CLASP1: variants seen among roughly 807,000 people sequenced by gnomAD.
The protein encoded by CLASP1 is CLIP-associating protein 1.
A neutral mutation model predicts 192.3 loss-of-function variants in CLASP1; 38 were observed. That is an observed-to-expected ratio of 0.20 (90% CI 0.15 to 0.26). CLASP1 has a LOEUF of 0.26. CLASP1 is among the 10% of genes least tolerant of loss of function. CLASP1 has a pLI of 1.00. For synonymous variants in CLASP1, 691 were observed against 712.8 expected (o/e 0.97, Z 0.49); for missense variants, 1,433 against 1,932.5 (o/e 0.74, Z 4.85).
At chr2:121,387,991 T>C (rs2073626432) in intron 30 of CLASP1, 85 bp from the exon 32 acceptor site, 1 of 1,091,528 alleles carries the variant, frequency 9.2e-7, no homozygotes, top group African/African-American at 1.6e-5. Context: ...AAATATTTTA[T>C]AAGTAAAATC....
chr2:121,367,227 C>T (rs570482236), intron 35 of CLASP1, among the ~76,000 whole-genome samples: 110 of 152,312 alleles, frequency 7.2e-4, no homozygotes, highest in African/African-American at 2.5e-3. Context: ...AGCCCGCGCT[C>T]GCCATCCTGT....
chr2:121,640,436 G>T lies in CLASP1; in HGVS notation c.-286+8936C>A, dbSNP rs145432892. Among the ~76,000 whole-genome samples the T allele has an allele frequency of 4.6e-5, 7 of 151,232 alleles. No individual in the cohort carries two copies. The East Asian group carries it at 1.4e-3, about 29-fold the overall frequency. On this transcript the variant is annotated intron_variant, in intron 1 of 39. Coordinates refer to ENST00000263710, the Ensembl canonical transcript of CLASP1. Reference sequence around the variant, plus strand: ...TTTTACTACAATAAAACACTTGAAAGAAAAAAAAACTTTATCAGGTCTTCA... The same window carrying T: ...TTTTACTACAATAAAACACTTGAAATAAAAAAAAACTTTATCAGGTCTTCA...
At chr2:121,421,077 G>A (rs1026757287) in intron 22 of CLASP1, among the ~76,000 whole-genome samples, 1 of 151,986 alleles carries the variant, frequency 6.6e-6, no homozygotes, top group African/African-American at 2.4e-5. Context: ...TGAAAATATG[G>A]CCATAGTTAC....
intron 30 of CLASP1, among the ~76,000 whole-genome samples, chr2:121,392,393 G>A (rs1299018059): frequency 6.6e-6 from 1 of 152,154 alleles, no homozygotes; most frequent in Non-Finnish European, 1.5e-5. Context: ...TAATAGCAGA[G>A]CTGCAACTGC....
rs565743952 is a variant in CLASP1 at position 121,394,797 on chromosome 2, G to A, written c.3123+2343C>T. Among the ~76,000 whole-genome samples, 192 of 152,166 alleles carry A rather than the reference G, an allele frequency of 1.3e-3. 1 individual carries two copies. The highest frequency in any genetic ancestry group is 4.5e-3 in the African/African-American group (185 of 41,520). ...CGGGAGGCTGAGGCAGGAGAATGGCGTGAACCCGGGAGGCGGAGGTTGCAG... is the reference window on the plus strand; with the variant it reads ...CGGGAGGCTGAGGCAGGAGAATGGCATGAACCCGGGAGGCGGAGGTTGCAG... On this transcript the variant is annotated intron_variant, in intron 30 of 39. Coordinates refer to ENST00000263710, the Ensembl canonical transcript of CLASP1.
intron 2 of CLASP1, among the ~76,000 whole-genome samples, chr2:121,559,014 T>C (rs745559748): frequency 6.6e-6 from 1 of 152,160 alleles, no homozygotes; most frequent in Non-Finnish European, 1.5e-5. Flanking sequence ...CTGCACAGAG[T>C]ACCTGAAAGC....
At chr2:121,524,080 G>A (rs1436368172) in intron 6 of CLASP1, among the ~76,000 whole-genome samples, 1 of 152,150 alleles carries the variant, frequency 6.6e-6, no homozygotes, top group Non-Finnish European at 1.5e-5. Context: ...TGCATTTAGA[G>A]GTGACAGCCC....
intron 2 of CLASP1, among the ~76,000 whole-genome samples, chr2:121,593,552 G>A (rs2062682670): frequency 6.9e-6 from 1 of 145,316 alleles, no homozygotes; most frequent in African/African-American, 2.6e-5. Context: ...CGGGGAGGCG[G>A]AAGTTGCAGG....
chr2:121,371,741 C>A (rs1327529256), intron 34 of CLASP1, among the ~76,000 whole-genome samples: 1 of 152,190 alleles, frequency 6.6e-6, no homozygotes, highest in African/African-American at 2.4e-5. Context: ...TAAGACCAGT[C>A]ATTCTACCTG....
At chr2:121,570,193 C>T (rs1382119094) in intron 2 of CLASP1, among the ~76,000 whole-genome samples, 1 of 152,218 alleles carries the variant, frequency 6.6e-6, no homozygotes, top group Non-Finnish European at 1.5e-5. Flanking sequence ...TTTCCCTCCC[C>T]ACCCAACTCC....
chr2:121,429,452 T>G (rs2081006971), intron 20 of CLASP1, among the ~76,000 whole-genome samples: 1 of 152,214 alleles, frequency 6.6e-6, no homozygotes, highest in Admixed American at 6.5e-5. Context: ...TATGTGTGGC[T>G]GGAAAGTGAG....
At position 121,500,387 on chromosome 2, in the gene CLASP1, A is replaced by G. The variant is rs2093706148; in HGVS notation, c.712+2780T>C. Among the ~76,000 whole-genome samples the G allele has an allele frequency of 1.3e-5, 2 of 149,920 alleles. 1 individual carries two copies. Among genetic ancestry groups the G allele is most frequent in the African/African-American group, 5.0e-5 (2 of 40,166 alleles). ...AAGAAAGAAAGAAAGAAAGAAAGAA[A>G]GAAAGAAAGAAAAGAAAGAAAGAAA... On this transcript the variant is annotated intron_variant, in intron 8 of 39. Coordinates refer to ENST00000263710, the Ensembl canonical transcript of CLASP1.
intron 8 of CLASP1, among the ~76,000 whole-genome samples, chr2:121,484,045 G>A (rs894021553): frequency 6.6e-6 from 1 of 152,190 alleles, no homozygotes; most frequent in African/African-American, 2.4e-5. Flanking sequence ...AGAAAGCAAA[G>A]CTTAGGAGGA....
chr2:121,400,938 T>C (rs1022530748), intron 28 of CLASP1, among the ~76,000 whole-genome samples: 12 of 152,336 alleles, frequency 7.9e-5, no homozygotes, highest in African/African-American at 4.8e-5. Context: ...CACAACTGCA[T>C]AGACAATAGA....
intron 39 of CLASP1, among the ~76,000 whole-genome samples, chr2:121,341,652 A>G (rs554427764): frequency 6.6e-6 from 1 of 152,370 alleles, no homozygotes; most frequent in South Asian, 2.1e-4. Context: ...ATATCAGACA[A>G]AACAGAGTTG....
intron 1 of CLASP1, among the ~76,000 whole-genome samples, chr2:121,628,076 C>T (rs927028043): frequency 2.0e-5 from 3 of 152,104 alleles, no homozygotes; most frequent in South Asian, 2.1e-4. Flanking sequence ...CAAAAATTTG[C>T]TATATTTCTC....
chr2:121,622,836 C>T (rs2067614209), intron 1 of CLASP1, among the ~76,000 whole-genome samples: 1 of 152,152 alleles, frequency 6.6e-6, no homozygotes, highest in African/African-American at 2.4e-5. Context: ...TATCTTACTT[C>T]CTTTCCAATA....
intron 5 of CLASP1, among the ~76,000 whole-genome samples, chr2:121,527,541 G>A (rs1477471256): frequency 6.6e-6 from 1 of 152,130 alleles, no homozygotes; most frequent in African/African-American, 2.4e-5. Context: ...CTGTGCAGTT[G>A]TATATACACA....
At chr2:121,420,378 G>A (rs2079280595) in intron 22 of CLASP1, among the ~76,000 whole-genome samples, 1 of 152,172 alleles carries the variant, frequency 6.6e-6, no homozygotes, top group African/African-American at 2.4e-5. Context: ...GGGAGCGTGT[G>A]TACTGGCTCT....
Sources: gnomAD v4.1 joint callset for allele counts (sites outside exome capture counted in the v4.1 genomes callset) on GRCh38, gnomAD v4.1.1 for gene constraint, MANE v1.5 for transcripts, NCBI Gene and HGNC (gene_info 2026-07-23, HGNC 2026-07-21) for gene names.